The following EEA1 variants were observed in gnomAD, a reference collection of about 807,000 sequenced individuals.
EEA1 encodes the protein early endosome antigen 1.
A neutral mutation model predicts 209.2 loss-of-function variants in EEA1; 111 were observed. That is an observed-to-expected ratio of 0.53 (90% CI 0.45 to 0.62). The LOEUF is 0.62. Ranked by LOEUF, EEA1 falls within the 20% of genes least tolerant of loss-of-function variation. The probability of loss-of-function intolerance (pLI) is 0.00; values close to 1 mark genes in which losing one functional copy is unlikely to be tolerated. For missense variants in EEA1, 1,343 were observed against 1,530.8 expected (o/e 0.88, Z 2.05); for synonymous variants, 536 against 540.6 (o/e 0.99, Z 0.12).
chr12:92,807,802 T>C (rs921627611), intron 18 of EEA1, among the ~76,000 whole-genome samples: 2 of 152,104 alleles, frequency 1.3e-5, no homozygotes, highest in Non-Finnish European at 2.9e-5. Context: ...AGACATATGT[T>C]TGTGTATTAG....
chr12:92,810,790 T>C (rs1477542018), intron 17 of EEA1, among the ~76,000 whole-genome samples: 1 of 152,132 alleles, frequency 6.6e-6, no homozygotes, highest in Non-Finnish European at 1.5e-5. Flanking sequence ...CACATTCATA[T>C]GGAGTTGTGT....
chr12:92,790,768 G>C (rs927017392), intron 21 of EEA1, among the ~76,000 whole-genome samples: 5 of 152,108 alleles, frequency 3.3e-5, no homozygotes, highest in Non-Finnish European at 7.3e-5. Flanking sequence ...AGGAAATACA[G>C]AGAACACCAC....
chr12:92,864,714 G>C (rs1349823063), intron 3 of EEA1, 146 bp downstream of exon 3: 4 of 727,876 alleles, frequency 5.5e-6, no homozygotes, highest in Non-Finnish European at 7.9e-6. Flanking sequence ...TTTAACAATA[G>C]TGGAGGAAGG....
intron 5 of EEA1, among the ~76,000 whole-genome samples, chr12:92,855,740 A>G (rs1435461055): frequency 6.6e-6 from 1 of 152,148 alleles, no homozygotes; most frequent in Non-Finnish European, 1.5e-5. Flanking sequence ...TTTAAAATAT[A>G]TTTTCCCCAA....
chr12:92,908,551 A>T (rs1424181494), intron 1 of EEA1, among the ~76,000 whole-genome samples: 1 of 152,168 alleles, frequency 6.6e-6, no homozygotes, highest in Non-Finnish European at 1.5e-5. Context: ...TATTTTAAGT[A>T]TTTAAGAATG....
chr12:92,889,012 T>TGTG (rs1879544784), intron 2 of EEA1, among the ~76,000 whole-genome samples: 1 of 151,598 alleles, frequency 6.6e-6, no homozygotes, highest in South Asian at 2.1e-4. Flanking sequence ...ATTCGCAGGG[T>TGTG]GTGGTGGCAC....
At chr12:92,812,440 C>A (rs1875565076) in intron 16 of EEA1, among the ~76,000 whole-genome samples, 1 of 151,968 alleles carries the variant, frequency 6.6e-6, no homozygotes, top group Admixed American at 6.6e-5. Flanking sequence ...TCACCGTGAC[C>A]CTAAAGTAGG....
In EEA1 at chr12:92,867,774, A is replaced by G. The variant is rs2136726769; in HGVS notation, c.118-2787T>C. Among the ~76,000 whole-genome samples, 3 of 152,320 alleles carry G rather than the reference A, an allele frequency of 2.0e-5. 1 individual carries two copies. In the East Asian group the frequency reaches 5.8e-4, roughly 29 times the overall value. On this transcript the variant is annotated intron_variant, in intron 2 of 28. Transcript: ENST00000322349. ...AGTATCCAACTCCACCTGTGGCAGC[A>G]GTTAATACTTTACAAAAATACATAT...
At chr12:92,783,194 G>A (rs2136651581) in intron 22 of EEA1, among the ~76,000 whole-genome samples, 1 of 152,330 alleles carries the variant, frequency 6.6e-6, no homozygotes, top group South Asian at 2.1e-4. Flanking sequence ...GGTGTTTGGA[G>A]TTGTAGGGAG....
rs374254943 is a variant in EEA1, at chr12:92,857,323, C to T, written c.318G>A (p.Ser106=). Residue 106 remains serine (S), a synonymous_variant, in exon 5 of 29, where the codon TCG becomes TCA. Coordinates refer to ENST00000322349, the MANE Select transcript of EEA1 (RefSeq NM_003566.4). ...TTTCTAATTCCTTCTTTAATTCTTC[C>T]GAGTACCATTTTTCTTCCTAATAAA... ...QASLKEEKWY[S]EELKKELEKY... is the part of the protein sequence containing the mutation. 2.4e-5 allele frequency: 38 copies of T among 1,591,596 alleles called. No homozygotes were observed. Among genetic ancestry groups the T allele is most frequent in the Admixed American group, 3.5e-5 (2 of 56,666 alleles).
intron 1 of EEA1, among the ~76,000 whole-genome samples, chr12:92,916,204 C>A (rs1303959355): frequency 2.0e-5 from 3 of 152,008 alleles, no homozygotes; most frequent in African/African-American, 7.3e-5. Context: ...CAAAAACATA[C>A]CAAAATAAGG....
chr12:92,812,220 T>C (rs974486329), intron 16 of EEA1, among the ~76,000 whole-genome samples: 2 of 151,886 alleles, frequency 1.3e-5, no homozygotes, highest in Non-Finnish European at 2.9e-5. Flanking sequence ...TCCCAGCTAC[T>C]TGGGAGGCTG....
chr12:92,778,339 T>G (rs1873751458), intron 25 of EEA1, among the ~76,000 whole-genome samples, 160 bp from the exon 26 acceptor site: 2 of 151,954 alleles, frequency 1.3e-5, no homozygotes, highest in African/African-American at 4.8e-5. Flanking sequence ...TCCACAAGCA[T>G]CTATGTAATA....
rs76807759 is a variant in EEA1, at chr12:92,830,018, G to C, written c.1255-1957C>G. Among the ~76,000 whole-genome samples the C allele has an allele frequency of 1.7e-3, 251 of 151,680 alleles. 7 individuals carry two copies. In the East Asian group the frequency reaches 0.039, roughly 23 times the overall value. On this transcript the variant is annotated intron_variant, in intron 11 of 28. Coordinates refer to ENST00000322349, the MANE Select transcript of EEA1 (RefSeq NM_003566.4). ...GGATTTTTAGGGAGAGTGTGGGGGG[G>C]GCGGGTGAGGGTTGAAAAATTACCT... is the stretch of plus-strand genomic sequence containing the variant.
intron 11 of EEA1, among the ~76,000 whole-genome samples, chr12:92,831,947 C>T (rs1326738737): frequency 5.3e-5 from 8 of 150,402 alleles, no homozygotes; most frequent in Non-Finnish European, 1.0e-4. Flanking sequence ...ATTAGCCGGG[C>T]GCGGTGGCGG....
At chr12:92,802,879 G>A (rs1345517953) in intron 18 of EEA1, 145 bp from the exon 19 acceptor site, 24 of 608,684 alleles carry the variant, frequency 3.9e-5, no homozygotes, top group African/African-American at 5.9e-5. Flanking sequence ...TCATAAAATC[G>A]CACCACTGAA....
chr12:92,928,922 T>G, intron 1 of EEA1, 121 bp downstream of exon 1: 1 of 980,520 alleles, frequency 1.0e-6, no homozygotes, highest in South Asian at 1.6e-5. Context: ...CCTAAGCGCC[T>G]GCCGGGCTGT....
At chr12:92,810,458 T>C (rs1410445917) in intron 17 of EEA1, among the ~76,000 whole-genome samples, 1 of 152,042 alleles carries the variant, frequency 6.6e-6, no homozygotes, top group Non-Finnish European at 1.5e-5. Context: ...TTATCGTTTG[T>C]CATAAAGAAA....
intron 2 of EEA1, chr12:92,883,959 T>C (rs1479262380): frequency 6.9e-7 from 1 of 1,459,320 alleles, no homozygotes; most frequent in Non-Finnish European, 9.5e-7. Context: ...TCATCACACA[T>C]GCCACTGTGG....
Sources: gnomAD v4.1 joint callset for allele counts (sites outside exome capture counted in the v4.1 genomes callset) on GRCh38, gnomAD v4.1.1 for gene constraint, MANE v1.5 for transcripts, NCBI Gene and HGNC (gene_info 2026-07-23, HGNC 2026-07-21) for gene names.